Variants in RPS15A observed in about 807,000 individuals in gnomAD.
RPS15A encodes small ribosomal subunit protein uS8.
For missense variants in RPS15A, 62 were observed against 163.4 expected, an observed-to-expected ratio of 0.38 and a Z score of 3.38; for synonymous variants, 55 against 58.5, an observed-to-expected ratio of 0.94 and a Z score of 0.27.
rs1467141743 is a variant in RPS15A at position 18,783,455 on chromosome 16, A to G, written c.300-353T>C. On this transcript the variant is annotated intron_variant, in intron 4 of 4. Transcript: ENST00000322989. ...AGTATTCGTATAAACTTGAGTTTGA[A>G]TTGTGTTTCTGCCATGTACTGTATA... The G allele has an allele frequency of 1.2e-5, 4 of 337,518 alleles. No homozygotes were observed. The Admixed American group carries it at 1.6e-4, about 14-fold the overall frequency. The allele number at this position is 337,518 out of a possible 1,614,324, so 20.9% of individuals were successfully genotyped here. A position where few individuals can be genotyped will look rare whatever the true frequency, so the allele number is the denominator to read the frequency against.
intron 4 of RPS15A, chr16:18,783,852 G>A: frequency 2.7e-6 from 1 of 372,082 alleles, no homozygotes; most frequent in South Asian, 2.0e-5. Flanking sequence ...AGATCTCATG[G>A]CTTTAAAGCA....
chr16:18,788,264 G>T, intron 2 of RPS15A, 122 bp from the exon 3 acceptor site: 1 of 675,010 alleles, frequency 1.5e-6, no homozygotes, highest in Non-Finnish European at 2.6e-6. Context: ...CCAAAAAGTT[G>T]GGGGGAAGAC....
chr16:18,784,999 T>C, intron 3 of RPS15A, 176 bp from the exon 4 acceptor site: 1 of 540,844 alleles, frequency 1.8e-6, no homozygotes, highest in South Asian at 2.5e-5. Context: ...TACACCTAAG[T>C]AAGACTACGC....
chr16:18,786,272 G>A (rs543382504), intron 3 of RPS15A: 28 of 208,064 alleles, frequency 1.3e-4, no homozygotes, highest in African/African-American at 5.7e-4. Context: ...GGCTGAGGCA[G>A]GAGAATCGCT....
intron 1 of RPS15A, 83 bp from the exon 2 acceptor site, chr16:18,789,201 T>C: frequency 1.4e-6 from 2 of 1,382,928 alleles, no homozygotes; most frequent in Non-Finnish European, 2.0e-6. Context: ...GGAAGTATCC[T>C]TTCCTTTCTG....
chr16:18,788,731 T>A, intron 2 of RPS15A: 2 of 428,214 alleles, frequency 4.7e-6, no homozygotes, highest in Non-Finnish European at 8.5e-6. Context: ...CGAAATGAGC[T>A]CAGGAGTCCT....
chr16:18,783,510 T>C, intron 4 of RPS15A: 1 of 371,982 alleles, frequency 2.7e-6, no homozygotes, highest in South Asian at 2.0e-5. Context: ...GAGACGTTCA[T>C]TTGTACAATG....
chr16:18,787,611 T>C (rs184614800), intron 3 of RPS15A, among the ~76,000 whole-genome samples: 143 of 152,248 alleles, frequency 9.4e-4, no homozygotes, highest in South Asian at 1.2e-3. Context: ...CAAAGACCTA[T>C]GCCAGCAAAA....
At chr16:18,787,896 C>T in intron 3 of RPS15A, 167 bp downstream of exon 3, 1 of 618,834 alleles carries the variant, frequency 1.6e-6, no homozygotes, top group African/African-American at 1.8e-5. Context: ...CACAATCAAC[C>T]CAGGAGAGCA....
Position 18,788,176 on chromosome 16 carries a change from A to T in RPS15A, c.134-34T>A, listed in dbSNP as rs763455030. 5 of 1,367,312 alleles carry T rather than the reference A, an allele frequency of 3.7e-6. No individual in the cohort carries two copies. In the Admixed American group the frequency reaches 8.4e-5, roughly 23 times the overall value. 84.7% of individuals were successfully genotyped at this position (1,367,312 alleles called of 1,614,324 possible). A position where few individuals can be genotyped will look rare whatever the true frequency, so the allele number is the denominator to read the frequency against. On this transcript the variant is annotated intron_variant, in intron 2 of 4. Coordinates refer to ENST00000322989, the MANE Select transcript of RPS15A (RefSeq NM_001019.5). ...GATAACTGACTGGATTAAATAAAAG[A>T]CATCAACTTGAGAGCTAAACCTCTG...
intron 4 of RPS15A, chr16:18,784,428 G>A (rs1406327990): frequency 2.2e-5 from 5 of 225,082 alleles, no homozygotes; most frequent in Non-Finnish European, 4.3e-5. Context: ...TGTATTTTAG[G>A]TAGACACGGG....
chr16:18,783,355 C>T (rs1008434179), intron 4 of RPS15A: 2 of 489,916 alleles, frequency 4.1e-6, no homozygotes, highest in Non-Finnish European at 7.4e-6. Flanking sequence ...ATGAAACAAA[C>T]TGCACTGAAA....
At chr16:18,784,540 C>G (rs1339074801) in intron 4 of RPS15A, 198 bp downstream of exon 4, 1 of 520,256 alleles carries the variant, frequency 1.9e-6, no homozygotes, top group Non-Finnish European at 3.4e-6. Flanking sequence ...GCCACTGTGC[C>G]TGGCCAACCC....
intron 3 of RPS15A, chr16:18,786,844 C>T (rs1596936705): frequency 6.6e-6 from 1 of 152,192 alleles, no homozygotes; most frequent in South Asian, 2.1e-4. Flanking sequence ...TAGAACAAAA[C>T]ATGACATACT....
In RPS15A at chr16:18,789,904, G is replaced by A. The variant is rs1219594393; in HGVS notation, c.-6+340C>T. 3 of 152,372 alleles carry A rather than the reference G, an allele frequency of 2.0e-5. No homozygotes were observed. The East Asian group carries it at 5.8e-4, about 29-fold the overall frequency. The allele number at this position is 152,372 out of a possible 1,614,324, so 9.4% of individuals were successfully genotyped here. ...GCACGATGCAGCTTTTACCTGCTGG[G>A]TGGCCTCAGCCTCCCAAGCTCCCAG... On this transcript the variant is annotated intron_variant, in intron 1 of 4. Coordinates refer to ENST00000322989, the MANE Select transcript of RPS15A (RefSeq NM_001019.5).
At chr16:18,788,859 G>T in intron 2 of RPS15A, 122 bp downstream of exon 2, 1 of 1,024,048 alleles carries the variant, frequency 9.8e-7, no homozygotes, top group Non-Finnish European at 1.5e-6. Flanking sequence ...CAGCCCACAG[G>T]TCAATTGCAT....
intron 3 of RPS15A, among the ~76,000 whole-genome samples, chr16:18,787,443 T>C (rs917250815): frequency 6.6e-6 from 1 of 152,174 alleles, no homozygotes; most frequent in Non-Finnish European, 1.5e-5. Flanking sequence ...ATCTGCCTCC[T>C]TGCAAATCTG....
chr16:18,783,347 G>A (rs1313087020), intron 4 of RPS15A: 1 of 498,614 alleles, frequency 2.0e-6, no homozygotes, highest in African/African-American at 1.9e-5. Context: ...CCTACACCAT[G>A]AAACAAACTG....
At chr16:18,787,558 G>C (rs559132408) in intron 3 of RPS15A, among the ~76,000 whole-genome samples, 50 of 152,146 alleles carry the variant, frequency 3.3e-4, no homozygotes, top group Non-Finnish European at 6.9e-4. Context: ...AGTTTTACTT[G>C]GTTAAGGTGT....
Sources: allele counts gnomAD v4.1 joint callset (sites outside exome capture counted in the v4.1 genomes callset), GRCh38; gene constraint gnomAD v4.1.1; transcripts MANE v1.5; gene names NCBI Gene and HGNC (gene_info 2026-07-23, HGNC 2026-07-21).